Variants in ABCA6 observed in about 807,000 individuals in gnomAD.
ABCA6 encodes the protein ATP-binding cassette sub-family A member 6.
A neutral mutation model predicts 191.2 loss-of-function variants in ABCA6; 164 were observed. The observed-to-expected ratio is 0.86, with a 90% CI of 0.76 to 0.98. The LOEUF (loss-of-function observed/expected upper bound fraction) is 0.98. Among genes scored for constraint, ABCA6 ranks in the 50% least tolerant of loss-of-function variants. The probability of loss-of-function intolerance (pLI) is 0.00; values close to 1 mark genes in which losing one functional copy is unlikely to be tolerated. For missense variants in ABCA6, 1,958 were observed against 1,894.1 expected (o/e 1.03, Z -0.63); for synonymous variants, 636 against 647.7 (o/e 0.98, Z 0.27).
Position 69,079,053 on chromosome 17 carries a change from C to A in ABCA6, c.4774G>T (p.Glu1592Ter). The A allele has an allele frequency of 6.2e-7, 1 of 1,610,440 alleles. No homozygotes were observed. The highest frequency in any genetic ancestry group is 1.1e-5 in the South Asian group (1 of 90,760). Residue 1592 changes from glutamate to a stop codon, truncating the protein, a stop_gained, in exon 39 of 39, where the codon GAA (glutamate) becomes TAA (stop). Transcript: ENST00000284425. LOFTEE classifies it low-confidence loss of function (END_TRUNC). ...LEKVFLELSK[E>*]QEVGNFDEEI... is the part of the protein sequence containing the mutation. ...TCATCAAAATTTCCTACTTCCTGTT[C>A]TTTAGAAAGCTCTAAGAATACCTAA...
chr17:69,106,132 C>T lies in ABCA6; in HGVS notation c.2469G>A (p.Met823Ile), dbSNP rs2073298184. ...GGCCCATGTCACTCACAGCTGTCTG[C>T]ATTTCAGAGAAGGAAGAGTGAGCCA... ...MELAHSSFSE[M>I]QTAVSDMGLW... The change falls in exon 19 of 39, where the codon ATG becomes ATA. Residue 823 changes from methionine to isoleucine, a missense_variant. Coordinates refer to ENST00000284425, the MANE Select transcript of ABCA6 (RefSeq NM_080284.3). The T allele has an allele frequency of 2.5e-6, 4 of 1,613,930 alleles. No individual in the cohort carries two copies. The highest frequency in any genetic ancestry group is 3.4e-6 in the Non-Finnish European group (4 of 1,179,886).
chr17:69,103,233 CTT>C (rs1428609719), intron 20 of ABCA6, among the ~76,000 whole-genome samples: 1 of 152,066 alleles, frequency 6.6e-6, no homozygotes. Flanking sequence ...TATTGTATGA[CTT>C]TTGGTAAACA....
At chr17:69,140,779 CTTGATCATAGTG>C in intron 1 of ABCA6, 31 bp from the exon 2 acceptor site, 1 of 921,746 alleles carries the variant, frequency 1.1e-6, no homozygotes, top group African/African-American at 1.7e-5. Context: ...TAAGAAAAAC[CTTGATCATAGTG>C]TTGAGGAAAA....
rs189347362 is a variant in ABCA6 at position 69,096,536 on chromosome 17, T to C, written c.3294+92A>G. The C allele has an allele frequency of 5.9e-5, 62 of 1,057,288 alleles. No homozygotes were observed. In the East Asian group the frequency reaches 1.6e-3, roughly 28 times the overall value. 65.5% of individuals were successfully genotyped at this position (1,057,288 alleles called of 1,614,324 possible). A position where few individuals can be genotyped will look rare whatever the true frequency, so the allele number is the denominator to read the frequency against. On this transcript the variant is annotated intron_variant, in intron 24 of 38. Transcript: ENST00000284425. ...TTTTGTTTTGGTTTATTACAAAATATGAATTAAAACATCTTAACTACTTAA... is the reference window on the plus strand; with the variant it reads ...TTTTGTTTTGGTTTATTACAAAATACGAATTAAAACATCTTAACTACTTAA...
chr17:69,088,120 G>T, intron 28 of ABCA6, 47 bp downstream of exon 28: 1 of 1,466,296 alleles, frequency 6.8e-7, no homozygotes. Flanking sequence ...CACCATCTAG[G>T]AATGTTAAAA....
chr17:69,090,967 T>C (rs1386730870), intron 26 of ABCA6, among the ~76,000 whole-genome samples, 176 bp downstream of exon 26: 1 of 152,208 alleles, frequency 6.6e-6, no homozygotes, highest in Non-Finnish European at 1.5e-5. Flanking sequence ...CTTACAGAGT[T>C]GTGCAAGCAT....
intron 25 of ABCA6, among the ~76,000 whole-genome samples, chr17:69,091,615 C>T (rs1486372022): frequency 2.6e-5 from 2 of 76,032 alleles, no homozygotes; most frequent in Non-Finnish European, 5.6e-5. Flanking sequence ...CTCCGCCTCC[C>T]GGGTTCACGC....
chr17:69,088,373 T>G, intron 27 of ABCA6, 115 bp from the exon 28 acceptor site: 1 of 759,282 alleles, frequency 1.3e-6, no homozygotes, highest in Non-Finnish European at 2.0e-6. Context: ...ATCATTCTCA[T>G]AAGCTGGGGG....
chr17:69,086,817 T>C, intron 29 of ABCA6, 82 bp from the exon 30 acceptor site: 1 of 840,260 alleles, frequency 1.2e-6, no homozygotes, highest in South Asian at 1.6e-5. Flanking sequence ...CCTTATGTCA[T>C]AAGCCAAACC....
intron 9 of ABCA6, among the ~76,000 whole-genome samples, 170 bp downstream of exon 9, chr17:69,124,718 T>C (rs924039808): frequency 6.6e-6 from 1 of 151,904 alleles, no homozygotes; most frequent in African/African-American, 2.4e-5. Flanking sequence ...AGAATTGTTT[T>C]TACATAAAAA....
intron 8 of ABCA6, 87 bp from the exon 9 acceptor site, chr17:69,125,122 G>T: frequency 1.5e-6 from 1 of 684,910 alleles, no homozygotes; most frequent in Non-Finnish European, 2.1e-6. Flanking sequence ...TTATTAACTA[G>T]CTTTTTCAAG....
At chr17:69,079,924 A>C (rs1198505317) in intron 37 of ABCA6, among the ~76,000 whole-genome samples, 4 of 152,186 alleles carry the variant, frequency 2.6e-5, no homozygotes, top group Non-Finnish European at 5.9e-5. Flanking sequence ...AAGTTGGTAA[A>C]AATAAATAGG....
chr17:69,118,704 T>C (rs906205003), intron 10 of ABCA6, among the ~76,000 whole-genome samples: 9 of 152,120 alleles, frequency 5.9e-5, no homozygotes, highest in Non-Finnish European at 1.0e-4. Flanking sequence ...TAAATGTTCC[T>C]TCTCTGTTTC....
At chr17:69,113,801 A>G in intron 13 of ABCA6, 64 bp from the exon 14 acceptor site, 1 of 1,474,252 alleles carries the variant, frequency 6.8e-7, no homozygotes, top group Non-Finnish European at 9.2e-7. Flanking sequence ...CAGCCAAAAG[A>G]CACATGAAAA....
Position 69,085,050 on chromosome 17 carries a change from C to G in ABCA6, c.4162G>C (p.Asp1388His). 1 of 1,611,004 alleles carries G rather than the reference C, an allele frequency of 6.2e-7. No homozygotes were observed. Among genetic ancestry groups the G allele is most frequent in the Non-Finnish European group, 8.5e-7 (1 of 1,179,284 alleles). Residue 1388 changes from aspartate (D) to histidine (H), a missense_variant, in exon 32 of 39, where the codon GAC (aspartate) becomes CAC (histidine). Coordinates refer to ENST00000284425, the MANE Select transcript of ABCA6 (RefSeq NM_080284.3). ...YAAVKGLRKA[D>H]ARLAIARLVS... ...TACCTTGCGATGGCGAGCCTCGCGT[C>G]CGCTTTCCTGAGCCCCTTGACGGCA...
intron 25 of ABCA6, among the ~76,000 whole-genome samples, chr17:69,093,063 T>C (rs964175364): frequency 5.3e-5 from 8 of 152,222 alleles, no homozygotes; most frequent in African/African-American, 1.9e-4. Flanking sequence ...ACCATGCTAC[T>C]GTCTCATATT....
intron 21 of ABCA6, among the ~76,000 whole-genome samples, chr17:69,101,218 T>C (rs2073173138): frequency 6.6e-6 from 1 of 152,190 alleles, no homozygotes; most frequent in Non-Finnish European, 1.5e-5. Flanking sequence ...GATAATTTTG[T>C]CTCCATTTTG....
chr17:69,123,433 A>G (rs759659326), intron 9 of ABCA6, 26 bp from the exon 10 acceptor site: 50 of 1,423,868 alleles, frequency 3.5e-5, no homozygotes, highest in Middle Eastern at 1.9e-4. Flanking sequence ...GCAACAAAAT[A>G]TGATCAGTAA....
At chr17:69,084,994 T>G (rs758110488) in intron 32 of ABCA6, 34 bp downstream of exon 32, 1 of 1,569,198 alleles carries the variant, frequency 6.4e-7, no homozygotes, top group Non-Finnish European at 8.6e-7. Flanking sequence ...CTCCCTGCAT[T>G]CTGACACAAA....
Sources: allele counts gnomAD v4.1 joint callset (sites outside exome capture counted in the v4.1 genomes callset), GRCh38; gene constraint gnomAD v4.1.1; transcripts MANE v1.5; gene names NCBI Gene and HGNC (gene_info 2026-07-23, HGNC 2026-07-21).